KIAA0319L: variants seen among roughly 807,000 people sequenced by gnomAD.
KIAA0319L encodes KIAA0319 like.
A neutral mutation model predicts 120.1 loss-of-function variants in KIAA0319L; 55 were observed. The observed-to-expected ratio is 0.46, with a 90% CI of 0.37 to 0.57. The LOEUF is 0.57. Among genes scored for constraint, KIAA0319L ranks in the 20% least tolerant of loss-of-function variants. KIAA0319L has a pLI of 0.00. For missense variants in KIAA0319L, 1,049 were observed against 1,255.3 expected (o/e 0.84, Z 2.48); for synonymous variants, 398 against 471.9 (o/e 0.84, Z 2.03).
At chr1:35,532,898 A>C (rs1417376998) in intron 2 of KIAA0319L, among the ~76,000 whole-genome samples, 1 of 152,240 alleles carries the variant, frequency 6.6e-6, no homozygotes, top group Non-Finnish European at 1.5e-5. Flanking sequence ...AGCAAAGCAG[A>C]GAAAGCAGTG....
intron 2 of KIAA0319L, among the ~76,000 whole-genome samples, chr1:35,507,415 GGAAAAC>G (rs897609842): frequency 1.3e-5 from 2 of 150,742 alleles, no homozygotes; most frequent in African/African-American, 2.5e-5. Flanking sequence ...TTCATAAACA[GGAAAAC>G]AAAAACAAAA....
intron 2 of KIAA0319L, among the ~76,000 whole-genome samples, chr1:35,540,994 T>C (rs1033057074): frequency 6.6e-6 from 1 of 151,762 alleles, no homozygotes; most frequent in Non-Finnish European, 1.5e-5. Flanking sequence ...CGGGCTGGAG[T>C]GCAACAGCGT....
In KIAA0319L at chr1:35,453,355, GC is replaced by G. The variant is rs1469820642; in HGVS notation, c.1913+201del. Among the ~76,000 whole-genome samples the G allele has an allele frequency of 6.6e-6, 1 of 152,116 alleles. No individual in the cohort carries two copies. Among genetic ancestry groups the G allele is most frequent in the Non-Finnish European group, 1.5e-5 (1 of 68,008 alleles). ...AGTACTACCTGGGGACTAGTTGATGGCAAGCATTCTTTTTTTCTTACAAAAA... is the reference window on the plus strand; with the variant it reads ...AGTACTACCTGGGGACTAGTTGATGGAAGCATTCTTTTTTTCTTACAAAAA... On this transcript the variant is annotated intron_variant, in intron 12 of 20. Transcript: ENST00000325722. The surrounding 1 kb of genome is among the most constrained non-coding windows in gnomAD (Gnocchi z 4.1).
chr1:35,440,788 A>G (rs982411335), intron 20 of KIAA0319L: 17 of 497,516 alleles, frequency 3.4e-5, no homozygotes, highest in Middle Eastern at 5.4e-4. Context: ...GGGAAACATG[A>G]GGAGAATGCC....
chr1:35,465,550 G>A (rs918383686), intron 7 of KIAA0319L, among the ~76,000 whole-genome samples: 1 of 152,224 alleles, frequency 6.6e-6, no homozygotes, highest in Non-Finnish European at 1.5e-5. Context: ...CCTTGTCTCA[G>A]ATGAGACATT....
At chr1:35,484,686 G>T (rs1449660148) in intron 3 of KIAA0319L, among the ~76,000 whole-genome samples, 1 of 148,040 alleles carries the variant, frequency 6.8e-6, no homozygotes, top group Non-Finnish European at 1.5e-5. Context: ...GACCAAATGT[G>T]GTTAGAGCCA....
At chr1:35,466,720 T>A in intron 6 of KIAA0319L, 25 bp from the exon 7 acceptor site, 1 of 1,464,696 alleles carries the variant, frequency 6.8e-7, no homozygotes, top group Non-Finnish European at 9.6e-7. Context: ...GAAGATCTCT[T>A]AGACAATCAC....
chr1:35,499,577 G>A (rs1459805184), intron 3 of KIAA0319L, among the ~76,000 whole-genome samples: 1 of 151,848 alleles, frequency 6.6e-6, no homozygotes, highest in Non-Finnish European at 1.5e-5. Flanking sequence ...AATGAATTAA[G>A]ACAATAAATT....
At chr1:35,504,676 C>CATTCCT (rs1645145910) in intron 3 of KIAA0319L, among the ~76,000 whole-genome samples, 1 of 152,190 alleles carries the variant, frequency 6.6e-6, no homozygotes, top group Non-Finnish European at 1.5e-5. Flanking sequence ...AAAGGGTTGA[C>CATTCCT]ATTCCTAACC....
Position 35,499,451 on chromosome 1 carries a change from C to T in KIAA0319L, c.666+7161G>A, listed in dbSNP as rs557133885. Among the ~76,000 whole-genome samples the T allele has an allele frequency of 2.6e-5, 4 of 152,280 alleles. No individual in the cohort carries two copies. The South Asian group carries it at 8.3e-4, about 32-fold the overall frequency. On this transcript the variant is annotated intron_variant, in intron 3 of 20. Transcript: ENST00000325722. ...AGTGTCTATGCAGACTGGCCCCTCA[C>T]TAGACACCAAATCAGCCAGCACCTT... is the stretch of plus-strand genomic sequence containing the variant.
intron 16 of KIAA0319L, 37 bp from the exon 17 acceptor site, chr1:35,444,340 G>T (rs371549694): frequency 6.5e-7 from 1 of 1,537,166 alleles, no homozygotes; most frequent in Non-Finnish European, 8.8e-7. Context: ...GAGCTGAAGC[G>T]GTCCATACCT....
At chr1:35,512,802 G>A (rs548559633) in intron 2 of KIAA0319L, among the ~76,000 whole-genome samples, 1 of 150,198 alleles carries the variant, frequency 6.7e-6, no homozygotes, top group South Asian at 2.1e-4. Flanking sequence ...CACCCAGGAG[G>A]TGGAGGTTGC....
intron 2 of KIAA0319L, among the ~76,000 whole-genome samples, chr1:35,528,485 T>C (rs891881173): frequency 2.0e-5 from 3 of 152,254 alleles, no homozygotes; most frequent in African/African-American, 4.8e-5. Context: ...TCTGAGAAGA[T>C]ACTTGATATG....
chr1:35,454,719 T>G, intron 10 of KIAA0319L: 1 of 1,033,484 alleles, frequency 9.7e-7, no homozygotes, highest in Non-Finnish European at 1.3e-6. Flanking sequence ...CAGTTTCAAA[T>G]AAAGCCAGAA....
intron 13 of KIAA0319L, among the ~76,000 whole-genome samples, chr1:35,450,973 T>TA (rs1642016847): frequency 6.6e-6 from 1 of 152,248 alleles, no homozygotes; most frequent in Non-Finnish European, 1.5e-5. Context: ...AACAAAGAGC[T>TA]ACCTCTCTTA....
chr1:35,479,239 G>A, intron 3 of KIAA0319L, 27 bp from the exon 4 acceptor site: 1 of 1,584,756 alleles, frequency 6.3e-7, no homozygotes, highest in Non-Finnish European at 8.6e-7. Context: ...ACTAATTTGA[G>A]TAGGTAAAAG....
At chr1:35,552,029 C>T (rs1647238800) in intron 2 of KIAA0319L, among the ~76,000 whole-genome samples, 1 of 151,424 alleles carries the variant, frequency 6.6e-6, no homozygotes, top group Non-Finnish European at 1.5e-5. Context: ...AAGCTGCTTA[C>T]CATGGTACTG....
At chr1:35,487,718 A>AT (rs1264329847) in intron 3 of KIAA0319L, among the ~76,000 whole-genome samples, 1 of 152,228 alleles carries the variant, frequency 6.6e-6, no homozygotes, top group African/African-American at 2.4e-5. Flanking sequence ...AAGACTTCAT[A>AT]TATCTGCCAC....
At chr1:35,458,297 C>A (rs1642635888) in intron 9 of KIAA0319L, among the ~76,000 whole-genome samples, 2 of 152,136 alleles carry the variant, frequency 1.3e-5, no homozygotes, top group South Asian at 2.1e-4. Flanking sequence ...ACCTTATAGA[C>A]AGACGGCAAA....
Sources: allele counts gnomAD v4.1 joint callset (sites outside exome capture counted in the v4.1 genomes callset), GRCh38; gene constraint gnomAD v4.1.1; non-coding constraint Gnocchi (gnomAD v3.1); transcripts MANE v1.5; gene names NCBI Gene and HGNC (gene_info 2026-07-23, HGNC 2026-07-21).